The following RBM25 variants were observed in gnomAD, a reference collection of about 807,000 sequenced individuals.
The protein encoded by RBM25 is RNA binding motif protein 25, also known as RNA-binding protein 25.
RBM25 carries 19 observed loss-of-function variants against 120.7 expected under a neutral mutation model. The observed-to-expected ratio is 0.16, with a 90% CI of 0.11 to 0.23. The LOEUF (loss-of-function observed/expected upper bound fraction) is 0.23. RBM25 is among the 10% of genes least tolerant of loss of function. The probability of loss-of-function intolerance (pLI) is 1.00; values close to 1 mark genes in which losing one functional copy is unlikely to be tolerated. For synonymous variants in RBM25, 390 were observed against 326.7 expected, an observed-to-expected ratio of 1.19 and a Z score of -2.09; for missense variants, 605 against 1,041.5, an observed-to-expected ratio of 0.58 and a Z score of 5.77.
chr14:73,089,774 C>T (rs573475488), intron 6 of RBM25, among the ~76,000 whole-genome samples: 2 of 151,704 alleles, frequency 1.3e-5, no homozygotes, highest in East Asian at 3.9e-4. Flanking sequence ...TCAAGTGATT[C>T]TCCCTCCTCA....
intron 7 of RBM25, 91 bp downstream of exon 7, chr14:73,097,191 C>CTTTT (rs202085217): frequency 8.0e-5 from 30 of 375,662 alleles, no homozygotes; most frequent in South Asian, 2.2e-4. Context: ...TTTCTTTTTT[C>CTTTT]TTTTCTTTTT....
chr14:73,083,422 T>C, intron 4 of RBM25, 72 bp from the exon 5 acceptor site: 1 of 1,191,674 alleles, frequency 8.4e-7, no homozygotes, highest in Non-Finnish European at 1.1e-6. Flanking sequence ...AGAAATATAA[T>C]TTTGCTTTTA....
intron 7 of RBM25, among the ~76,000 whole-genome samples, chr14:73,097,431 C>G (rs184020847): frequency 1.8e-3 from 280 of 152,042 alleles, no homozygotes; most frequent in Middle Eastern, 0.014. Flanking sequence ...AATCTCGTGA[C>G]CTCGTGGTCG....
intron 1 of RBM25, among the ~76,000 whole-genome samples, chr14:73,071,086 A>G (rs1347710315): frequency 1.3e-5 from 2 of 151,858 alleles, no homozygotes; most frequent in East Asian, 1.9e-4. Flanking sequence ...TACTGAAAAT[A>G]CAAAAATTAG....
intron 2 of RBM25, among the ~76,000 whole-genome samples, chr14:73,075,934 C>CCGTGCCCAG: frequency 6.6e-6 from 1 of 152,062 alleles, no homozygotes. Flanking sequence ...GCGTGAGCCA[C>CCGTGCCCAG]CGTGCCCAGC....
chr14:73,063,973 A>T (rs1895067205), intron 1 of RBM25, among the ~76,000 whole-genome samples: 1 of 151,218 alleles, frequency 6.6e-6, no homozygotes, highest in Non-Finnish European at 1.5e-5. Context: ...CCTCAAATAC[A>T]CCATTCCTGC....
At chr14:73,066,411 G>A (rs1466731663) in intron 1 of RBM25, among the ~76,000 whole-genome samples, 1 of 152,038 alleles carries the variant, frequency 6.6e-6, no homozygotes, top group Non-Finnish European at 1.5e-5. Context: ...CGAGGCCGAC[G>A]GATCACTTGA....
chr14:73,117,205 C>CTTTTATTT (rs1896448964), intron 18 of RBM25, among the ~76,000 whole-genome samples: 11 of 36,560 alleles, frequency 3.0e-4, no homozygotes, highest in African/African-American at 1.1e-3. Flanking sequence ...TTTCTTTCTT[C>CTTTTATTT]TTTTCTTTTT....
chr14:73,111,356 A>G, intron 15 of RBM25, 172 bp from the exon 16 acceptor site: 1 of 877,230 alleles, frequency 1.1e-6, no homozygotes, highest in Non-Finnish European at 1.7e-6. Flanking sequence ...TCTGAGAAGA[A>G]GTGAAAAGTT....
chr14:73,080,355 C>T (rs1236419224), intron 4 of RBM25, among the ~76,000 whole-genome samples: 1 of 150,854 alleles, frequency 6.6e-6, no homozygotes, highest in African/African-American at 2.4e-5. Context: ...TCCCAAGTAG[C>T]TGGGACTACA....
Position 73,110,940 on chromosome 14 carries a change from T to G in RBM25, c.1802T>G (p.Met601Arg), listed in dbSNP as rs745487346. Residue 601 changes from methionine (M) to arginine (R), a missense_variant, in exon 15 of 19, where the codon ATG (methionine) becomes AGG (arginine). Transcript: ENST00000261973. ...AAAGAAGAAAAACGAGAAGAACCCA[T>G]GGAAGAGGAAGAGGAGCCAGAGCAA... The part of the protein sequence containing the change: ...QEKEEKREEP[M>R]EEEEEPEQKP... 1.2e-6 allele frequency: 2 copies of G among 1,612,306 alleles called. No individual in the cohort carries two copies. Among genetic ancestry groups the G allele is most frequent in the Non-Finnish European group, 1.7e-6 (2 of 1,179,110 alleles).
intron 18 of RBM25, among the ~76,000 whole-genome samples, chr14:73,116,318 A>G (rs1486303201): frequency 6.6e-6 from 1 of 152,214 alleles, no homozygotes; most frequent in African/African-American, 2.4e-5. Flanking sequence ...ATCAAGCATG[A>G]TATGAAATGG....
chr14:73,078,471 A>G (rs1292571386), intron 4 of RBM25, among the ~76,000 whole-genome samples: 2 of 152,202 alleles, frequency 1.3e-5, no homozygotes, highest in African/African-American at 4.8e-5. Context: ...AGCCCGAGCA[A>G]GAGAGTCTCT....
chr14:73,114,285 G>A lies in RBM25; in HGVS notation c.2392-1G>A. 6.5e-7 allele frequency: 1 copy of A among 1,548,018 alleles called. No homozygotes were observed. Among genetic ancestry groups the A allele is most frequent in the South Asian group, 1.3e-5 (1 of 79,864 alleles). On this transcript the variant is annotated splice_acceptor_variant, in intron 17 of 18. Coordinates refer to ENST00000261973, the MANE Select transcript of RBM25 (RefSeq NM_021239.3). LOFTEE classifies it high-confidence loss of function. ...ATGTGACAATTATTTTTCTCTTTTAGGTTATGGCTCATAGTTCACCCCAGA... is the reference window on the plus strand; with the variant it reads ...ATGTGACAATTATTTTTCTCTTTTAAGTTATGGCTCATAGTTCACCCCAGA...
chr14:73,103,994 A>ACT (rs1209592511), intron 10 of RBM25, among the ~76,000 whole-genome samples: 3,116 of 98,646 alleles, frequency 0.032, 91 homozygotes, highest in Middle Eastern at 0.087. Context: ...ACACACACAC[A>ACT]CTCTCTCTCT....
intron 18 of RBM25, 119 bp downstream of exon 18, chr14:73,114,452 G>C (rs919149279): frequency 1.3e-5 from 8 of 623,428 alleles, no homozygotes; most frequent in African/African-American, 3.9e-5. Context: ...AAATTCCTAG[G>C]CTTAAGTGAT....
intron 9 of RBM25, chr14:73,101,863 A>AT (rs554896882): frequency 3.5e-4 from 54 of 152,210 alleles, no homozygotes; most frequent in African/African-American, 1.1e-3. Flanking sequence ...CAGAAATGAG[A>AT]TTTTTCCCCC....
intron 7 of RBM25, among the ~76,000 whole-genome samples, chr14:73,098,988 G>A (rs944355185): frequency 6.6e-6 from 1 of 152,150 alleles, no homozygotes; most frequent in Non-Finnish European, 1.5e-5. Flanking sequence ...GAGGCCTGTA[G>A]AATTCATTCT....
At chr14:73,108,728 T>C (rs1407658022) in intron 13 of RBM25, among the ~76,000 whole-genome samples, 5 of 152,188 alleles carry the variant, frequency 3.3e-5, no homozygotes, top group Non-Finnish European at 5.9e-5. Flanking sequence ...CCAAAATAAT[T>C]AAAACATTGG....
Sources: allele counts gnomAD v4.1 joint callset (sites outside exome capture counted in the v4.1 genomes callset), GRCh38; gene constraint gnomAD v4.1.1; transcripts MANE v1.5; gene names NCBI Gene and HGNC (gene_info 2026-07-23, HGNC 2026-07-21).